Variants in SDK2 observed in about 807,000 individuals in gnomAD.
SDK2 encodes protein sidekick-2.
SDK2 carries 105 observed loss-of-function variants against 253.9 expected under a neutral mutation model. The observed-to-expected ratio is 0.41, with a 90% CI of 0.35 to 0.49. The LOEUF (loss-of-function observed/expected upper bound fraction) is 0.49, where lower values mean the gene tolerates loss of function less well. SDK2 is among the 20% of genes least tolerant of loss of function. The probability of loss-of-function intolerance (pLI) is 0.06; values close to 1 mark genes in which losing one functional copy is unlikely to be tolerated. For missense variants in SDK2, 2,608 were observed against 3,003.0 expected (o/e 0.87, Z 3.07); for synonymous variants, 1,249 against 1,234.9 (o/e 1.01, Z -0.24).
chr17:73,519,856 C>G (rs1165983451), intron 1 of SDK2: 9 of 152,190 alleles, frequency 5.9e-5, no homozygotes, highest in Admixed American at 5.9e-4. Flanking sequence ...GGAGCCACCG[C>G]TGAGGAAGAA....
At chr17:73,388,832 CCTT>C (rs1271179961) in intron 29 of SDK2, among the ~76,000 whole-genome samples, 55 of 118,702 alleles carry the variant, frequency 4.6e-4, no homozygotes, top group East Asian at 5.7e-4. Context: ...TTCCTTCCTT[CCTT>C]CCCCCCTCCT....
intron 1 of SDK2, among the ~76,000 whole-genome samples, chr17:73,563,828 G>A (rs974287407): frequency 3.4e-4 from 52 of 151,502 alleles, no homozygotes; most frequent in African/African-American, 1.2e-3. Context: ...GCTGGAGTGC[G>A]ATGGCACCAT....
chr17:73,403,782 CAG>C (rs563885735), intron 18 of SDK2, among the ~76,000 whole-genome samples: 355 of 152,268 alleles, frequency 2.3e-3, no homozygotes, highest in African/African-American at 2.7e-3. Flanking sequence ...AAATACTAAA[CAG>C]AAATACTAAG....
chr17:73,476,090 C>T (rs1001596855), intron 2 of SDK2, among the ~76,000 whole-genome samples: 4 of 152,058 alleles, frequency 2.6e-5, no homozygotes, highest in East Asian at 1.9e-4. Flanking sequence ...CCAGCCTGGG[C>T]AACAAAGACT....
rs934544930 is a variant in SDK2 at position 73,643,776 on chromosome 17, C to G, written c.64+249G>C. The stretch of plus-strand genomic sequence containing the variant: ...CGCCCCTCCCACTTCACCTTGGGCT[C>G]TTCTCTGCCTCCCCAGGTCGTCCCC... On this transcript the variant is annotated intron_variant, in intron 1 of 44. Transcript: ENST00000392650. The surrounding 1 kb of genome is among the most constrained non-coding windows in gnomAD (Gnocchi z 6.9). Among the ~76,000 whole-genome samples, 4 of 152,076 alleles carry G rather than the reference C, an allele frequency of 2.6e-5. No individual in the cohort carries two copies. Among genetic ancestry groups the G allele is most frequent in the African/African-American group, 9.7e-5 (4 of 41,430 alleles).
chr17:73,524,884 T>C (rs950976022), intron 1 of SDK2, among the ~76,000 whole-genome samples: 4 of 152,262 alleles, frequency 2.6e-5, no homozygotes, highest in Admixed American at 2.6e-4. Flanking sequence ...TCCTCAATCA[T>C]GCAGACGTTT....
chr17:73,361,203 C>G lies in SDK2; in HGVS notation c.5467+481G>C, dbSNP rs1008625056. On this transcript the variant is annotated intron_variant, in intron 39 of 44. Coordinates refer to ENST00000392650, the MANE Select transcript of SDK2 (RefSeq NM_001144952.2). The surrounding 1 kb of genome is among the most constrained non-coding windows in gnomAD (Gnocchi z 4.1). ...CCCACCTCAGCCCCAGGAAATCAAC[C>G]CCTCGGAGCATCCACCCTGGGAACG... Among the ~76,000 whole-genome samples the G allele has an allele frequency of 6.6e-6, 1 of 152,090 alleles. No homozygotes were observed. The highest frequency in any genetic ancestry group is 2.4e-5 in the African/African-American group (1 of 41,392).
chr17:73,391,299 A>G, intron 28 of SDK2, 141 bp downstream of exon 28: 1 of 420,848 alleles, frequency 2.4e-6, no homozygotes, highest in East Asian at 3.6e-5. Context: ...CAGGAGGACT[A>G]ACACCCAGAT....
At chr17:73,625,692 T>C (rs1389561062) in intron 1 of SDK2, among the ~76,000 whole-genome samples, 3 of 152,200 alleles carry the variant, frequency 2.0e-5, no homozygotes, top group Admixed American at 2.0e-4. Context: ...TTGTCTAGGC[T>C]GGAGTGCAGT....
intron 38 of SDK2, 40 bp downstream of exon 38, chr17:73,365,218 A>G: frequency 7.3e-7 from 1 of 1,361,092 alleles, no homozygotes; most frequent in Non-Finnish European, 9.8e-7. Flanking sequence ...AGCTTTTGCA[A>G]AGTGGGGGGC....
chr17:73,597,747 G>A lies in SDK2; in HGVS notation c.64+46278C>T, dbSNP rs1160486341. Among the ~76,000 whole-genome samples the A allele has an allele frequency of 2.0e-5, 3 of 151,474 alleles. No individual in the cohort carries two copies. The East Asian group carries it at 5.8e-4, about 29-fold the overall frequency. On this transcript the variant is annotated intron_variant, in intron 1 of 44. Transcript: ENST00000392650. ...TGCAAGCTCCGCCTCCCGGGTTCAC[G>A]CCATTCTCCTGCCTCAGCCTCCCAA...
chr17:73,562,918 A>T (rs1417282508), intron 1 of SDK2, among the ~76,000 whole-genome samples: 1 of 152,208 alleles, frequency 6.6e-6, no homozygotes, highest in Non-Finnish European at 1.5e-5. Flanking sequence ...ACGCAGAAGC[A>T]CCAAGGCTGT....
chr17:73,566,536 G>A (rs183190102), intron 1 of SDK2, among the ~76,000 whole-genome samples: 2 of 152,258 alleles, frequency 1.3e-5, no homozygotes, highest in East Asian at 3.9e-4. Context: ...ATGACATAAA[G>A]TTTAGAACTT....
At chr17:73,522,964 A>G (rs2064094422) in intron 1 of SDK2, among the ~76,000 whole-genome samples, 1 of 152,196 alleles carries the variant, frequency 6.6e-6, no homozygotes, top group African/African-American at 2.4e-5. Flanking sequence ...GCTGGAGGCC[A>G]GGCCCTGTCC....
intron 36 of SDK2, among the ~76,000 whole-genome samples, chr17:73,373,861 T>C (rs1287007762): frequency 1.3e-5 from 2 of 151,152 alleles, no homozygotes; most frequent in Non-Finnish European, 2.9e-5. Flanking sequence ...GGTCTCGAAC[T>C]ACTGACCTCA....
rs1301331300 is a variant in SDK2 at position 73,642,436 on chromosome 17, C to A, written c.64+1589G>T. 6.6e-6 allele frequency among the ~76,000 whole-genome samples: 1 copy of A among 152,218 alleles called. No homozygotes were observed. The highest frequency in any genetic ancestry group is 2.4e-5 in the African/African-American group (1 of 41,456). ...TAACACTGGTTGTCCCAGAGCACAA[C>A]TGTGAGGCTGCTCCAGGATGAAGGA... On this transcript the variant is annotated intron_variant, in intron 1 of 44. Transcript: ENST00000392650. This position sits in a 1 kb window ranked among gnomAD's most constrained non-coding sequence, Gnocchi z 4.7.
At chr17:73,370,776 G>A (rs2062727977) in intron 36 of SDK2, among the ~76,000 whole-genome samples, 1 of 151,922 alleles carries the variant, frequency 6.6e-6, no homozygotes, top group Admixed American at 6.6e-5. Flanking sequence ...TTAGAAAGGG[G>A]GAGAGGGCCG....
intron 39 of SDK2, among the ~76,000 whole-genome samples, chr17:73,358,989 T>A (rs1314043514): frequency 6.6e-6 from 1 of 151,674 alleles, no homozygotes; most frequent in Non-Finnish European, 1.5e-5. Flanking sequence ...GAGCCAGGTA[T>A]CTGTCTGCAA....
rs563427853 is a variant in SDK2, at chr17:73,615,898, T to C, written c.64+28127A>G. On this transcript the variant is annotated intron_variant, in intron 1 of 44. Transcript: ENST00000392650. ...AACCACATGTGCATTCACACATACA[T>C]ATATGTACACACAGTCACATACATA... Among the ~76,000 whole-genome samples the C allele has an allele frequency of 2.3e-4, 35 of 152,224 alleles. No homozygotes were observed. In the South Asian group the frequency reaches 7.3e-3, roughly 32 times the overall value.
Sources: gnomAD v4.1 joint callset for allele counts (sites outside exome capture counted in the v4.1 genomes callset) on GRCh38, gnomAD v4.1.1 for gene constraint, Gnocchi (gnomAD v3.1) non-coding constraint, MANE v1.5 for transcripts, NCBI Gene and HGNC (gene_info 2026-07-23, HGNC 2026-07-21) for gene names.